Variants in CA10 observed in about 807,000 individuals in gnomAD.
CA10 encodes the protein carbonic anhydrase-related protein 10.
A neutral mutation model predicts 44.2 loss-of-function variants in CA10; 14 were observed. The ratio of observed to expected loss-of-function variants is 0.32; its 90% confidence interval spans 0.21 to 0.50. The LOEUF (loss-of-function observed/expected upper bound fraction) is 0.50, where lower values mean the gene tolerates loss of function less well. Among genes scored for constraint, CA10 ranks in the 20% least tolerant of loss-of-function variants. The pLI is 0.99. For synonymous variants in CA10, 159 were observed against 141.6 expected (o/e 1.12, Z -0.87); for missense variants, 350 against 409.7 (o/e 0.85, Z 1.26).
At chr17:51,639,059 C>T (rs1912962817) in intron 6 of CA10, among the ~76,000 whole-genome samples, 1 of 152,138 alleles carries the variant, frequency 6.6e-6, no homozygotes, top group African/African-American at 2.4e-5. Context: ...GGAGTTTGGA[C>T]TTCATCCGGA....
chr17:51,836,663 G>A (rs1199581980), intron 3 of CA10, among the ~76,000 whole-genome samples: 3 of 152,314 alleles, frequency 2.0e-5, no homozygotes, highest in Admixed American at 6.5e-5. Flanking sequence ...GTGAAGTGCC[G>A]AGGCCAAGTG....
At chr17:51,670,403 G>T (rs1914372072) in intron 4 of CA10, among the ~76,000 whole-genome samples, 1 of 152,142 alleles carries the variant, frequency 6.6e-6, no homozygotes, top group Non-Finnish European at 1.5e-5. Flanking sequence ...GTCAGTAAAA[G>T]GCAGAGCCAC....
intron 2 of CA10, among the ~76,000 whole-genome samples, chr17:52,028,359 A>C (rs987599805): frequency 2.0e-5 from 3 of 152,230 alleles, no homozygotes; most frequent in African/African-American, 7.2e-5. Flanking sequence ...AAAGTATACC[A>C]ATCAAGGATC....
At chr17:51,954,366 C>G (rs573950517) in intron 2 of CA10, among the ~76,000 whole-genome samples, 76 of 152,286 alleles carry the variant, frequency 5.0e-4, no homozygotes, top group African/African-American at 1.8e-3. Context: ...CCATCTCTCT[C>G]TAAGCATTTC....
intron 4 of CA10, among the ~76,000 whole-genome samples, chr17:51,672,706 T>C (rs1914472247): frequency 6.6e-6 from 1 of 152,168 alleles, no homozygotes. Context: ...TTAAGAGTCC[T>C]CTCCAGTGTC....
chr17:51,810,424 G>T (rs1907314106), intron 3 of CA10, among the ~76,000 whole-genome samples: 1 of 152,144 alleles, frequency 6.6e-6, no homozygotes, highest in Non-Finnish European at 1.5e-5. Context: ...GCAGAAGGTG[G>T]CAGTGAGATG....
At chr17:52,063,162 A>C (rs1271758036) in intron 2 of CA10, among the ~76,000 whole-genome samples, 1 of 152,150 alleles carries the variant, frequency 6.6e-6, no homozygotes, top group Non-Finnish European at 1.5e-5. Flanking sequence ...TCTTTTGGCC[A>C]ATTTTTGTCT....
chr17:51,734,407 C>A (rs1394330252), intron 4 of CA10, among the ~76,000 whole-genome samples: 2 of 152,112 alleles, frequency 1.3e-5, no homozygotes, highest in East Asian at 3.9e-4. Context: ...CCAAAGGTCA[C>A]CTAGTCGTAG....
At chr17:51,773,217 C>T (rs373078503) in intron 3 of CA10, among the ~76,000 whole-genome samples, 3 of 152,160 alleles carry the variant, frequency 2.0e-5, no homozygotes, top group African/African-American at 7.2e-5. Flanking sequence ...GTGTGTAGAA[C>T]ATTCTGGAAG....
intron 3 of CA10, among the ~76,000 whole-genome samples, chr17:51,913,636 G>C (rs546198551): frequency 2.3e-5 from 1 of 44,094 alleles, no homozygotes; most frequent in South Asian, 5.7e-4. Flanking sequence ...GCTTGCAAGA[G>C]TGGAGTGTTA....
chr17:52,030,343 A>G lies in CA10; in HGVS notation c.136+41976T>C, dbSNP rs576364554. Among the ~76,000 whole-genome samples, 31 of 152,328 alleles carry G rather than the reference A, an allele frequency of 2.0e-4. No individual in the cohort carries two copies. The East Asian group carries it at 5.0e-3, about 25-fold the overall frequency. Reference sequence around the variant, plus strand: ...GTTGCAAAACAGTGGGATAACATCAATGGATGAAAGGGAGAAAGAGTGTGT... The same window carrying G: ...GTTGCAAAACAGTGGGATAACATCAGTGGATGAAAGGGAGAAAGAGTGTGT... On this transcript the variant is annotated intron_variant, in intron 2 of 8. Transcript: ENST00000451037.
intron 4 of CA10, among the ~76,000 whole-genome samples, chr17:51,676,133 G>T (rs904361296): frequency 1.3e-5 from 2 of 152,170 alleles, no homozygotes; most frequent in Non-Finnish European, 2.9e-5. Flanking sequence ...CAGTTATTTT[G>T]GGTATATACC....
intron 3 of CA10, among the ~76,000 whole-genome samples, chr17:51,799,895 G>A (rs1263226146): frequency 6.6e-6 from 1 of 152,166 alleles, no homozygotes; most frequent in East Asian, 1.9e-4. Flanking sequence ...GAAACTGGAA[G>A]CCTCATAGAC....
chr17:51,794,667 A>G (rs8064320), intron 3 of CA10, among the ~76,000 whole-genome samples: 16,090 of 152,228 alleles, frequency 0.11, 1,233 homozygotes, highest in African/African-American at 0.23. Flanking sequence ...TTCAACAAAT[A>G]TTTATTTTGG....
chr17:51,812,851 T>C (rs1907424760), intron 3 of CA10, among the ~76,000 whole-genome samples: 1 of 152,156 alleles, frequency 6.6e-6, no homozygotes, highest in Non-Finnish European at 1.5e-5. Context: ...CTGACAGCAC[T>C]CTTGGAGTAC....
At chr17:51,668,083 T>C (rs1345021260) in intron 4 of CA10, among the ~76,000 whole-genome samples, 1 of 152,202 alleles carries the variant, frequency 6.6e-6, no homozygotes, top group Admixed American at 6.5e-5. Context: ...CATGGCTCCC[T>C]CTGGGGCCTC....
At chr17:52,046,928 A>C (rs1489281809) in intron 2 of CA10, among the ~76,000 whole-genome samples, 5 of 151,918 alleles carry the variant, frequency 3.3e-5, no homozygotes, top group Non-Finnish European at 1.5e-5. Context: ...CTAAAAATAA[A>C]AGACCACACA....
intron 3 of CA10, among the ~76,000 whole-genome samples, chr17:51,820,773 G>T (rs1907750304): frequency 6.6e-6 from 1 of 151,928 alleles, no homozygotes; most frequent in African/African-American, 2.4e-5. Flanking sequence ...CTCATTTAGA[G>T]CACGTCCCAG....
intron 6 of CA10, among the ~76,000 whole-genome samples, chr17:51,647,534 T>C (rs1383193992): frequency 2.6e-5 from 4 of 152,198 alleles, no homozygotes; most frequent in African/African-American, 9.6e-5. Context: ...TCACTTAATA[T>C]TAATCAGACC....
Sources: gnomAD v4.1 joint callset for allele counts (sites outside exome capture counted in the v4.1 genomes callset) on GRCh38, gnomAD v4.1.1 for gene constraint, MANE v1.5 for transcripts, NCBI Gene and HGNC (gene_info 2026-07-23, HGNC 2026-07-21) for gene names.